Variants in PRKG1 observed in about 807,000 individuals in gnomAD.
PRKG1 encodes the protein cGMP-dependent protein kinase 1.
In PRKG1, 35 loss-of-function variants were observed where a neutral mutation model predicts 88.1. The observed-to-expected ratio is 0.40, with a 90% confidence interval of 0.30 to 0.53. The LOEUF is 0.53. Among genes scored for constraint, PRKG1 ranks in the 20% least tolerant of loss-of-function variants. The probability of loss-of-function intolerance (pLI) is 0.59; values close to 1 mark genes in which losing one functional copy is unlikely to be tolerated. For missense variants in PRKG1, 540 were observed against 839.8 expected, an observed-to-expected ratio of 0.64 and a Z score of 4.41; for synonymous variants, 303 against 292.5, an observed-to-expected ratio of 1.04 and a Z score of -0.37.
At position 51,869,271 on chromosome 10, in the gene PRKG1, A is replaced by C. The variant is rs146852913; in HGVS notation, c.699-38236A>C. 2.9e-3 allele frequency among the ~76,000 whole-genome samples: 445 copies of C among 152,252 alleles called. 1 individual carries two copies. The highest frequency in any genetic ancestry group is 0.01 in the African/African-American group (420 of 41,566). ...GTAATCCCATCATTGCCTTAAATGC[A>C]TTTACCCATGTGTTTGATGTGCTCC... On this transcript the variant is annotated intron_variant, in intron 4 of 17. Transcript: ENST00000373980.
intron 4 of PRKG1, among the ~76,000 whole-genome samples, chr10:51,822,188 A>T (rs1428135161): frequency 6.6e-6 from 1 of 151,954 alleles, no homozygotes; most frequent in African/African-American, 2.4e-5. Context: ...GTGTGTGTAT[A>T]TGGTGTGTGT....
intron 4 of PRKG1, among the ~76,000 whole-genome samples, chr10:51,820,500 A>G (rs1410004607): frequency 6.6e-6 from 1 of 152,198 alleles, no homozygotes; most frequent in East Asian, 1.9e-4. Context: ...TCCAACCTAC[A>G]GAAGCAGAGG....
rs1275994369 is a variant in PRKG1, at chr10:51,276,694, T to C, written c.478+123364T>C. On this transcript the variant is annotated intron_variant, in intron 2 of 17. Transcript: ENST00000373980. ...AGATGGTATCTCACTGTGGTTTTGA[T>C]TTGCATTTCTCTGATGACCAGTGAT... Among the ~76,000 whole-genome samples the C allele has an allele frequency of 5.3e-5, 8 of 152,348 alleles. No homozygotes were observed. The East Asian group carries it at 1.3e-3, about 26-fold the overall frequency.
At chr10:52,218,289 G>C (rs1840162819) in intron 9 of PRKG1, among the ~76,000 whole-genome samples, 2 of 150,708 alleles carry the variant, frequency 1.3e-5, no homozygotes, top group Non-Finnish European at 3.0e-5. Context: ...AATGAACTAA[G>C]GCGTCTTAAC....
chr10:52,241,800 T>A (rs1840869506), intron 9 of PRKG1, among the ~76,000 whole-genome samples: 1 of 152,208 alleles, frequency 6.6e-6, no homozygotes, highest in East Asian at 1.9e-4. Context: ...TTTCGACTGA[T>A]CCCTTTGATT....
At chr10:51,186,968 ATATATATATATATATG>A (rs1413876667) in intron 2 of PRKG1, among the ~76,000 whole-genome samples, 20 of 145,626 alleles carry the variant, frequency 1.4e-4, no homozygotes, top group Admixed American at 6.9e-5. Context: ...ATATATATAT[ATATATATATATATATG>A]TATATATATA....
In PRKG1 at chr10:52,148,873, G is replaced by T. The variant is rs189782047; in HGVS notation, c.1002-13016G>T. 7.7e-3 allele frequency among the ~76,000 whole-genome samples: 1,163 copies of T among 151,778 alleles called. 16 individuals are homozygous for T. The highest frequency in any genetic ancestry group is 0.027 in the African/African-American group (1,100 of 41,302). On this transcript the variant is annotated intron_variant, in intron 8 of 17. Transcript: ENST00000373980. ...GGAATAGAATTCCAGGCAGCAATAG[G>T]CTGAGAATTAATGAAAAATGAGGAT... is the stretch of plus-strand genomic sequence containing the variant.
At chr10:51,428,719 A>G (rs528360171) in intron 2 of PRKG1, among the ~76,000 whole-genome samples, 2 of 152,328 alleles carry the variant, frequency 1.3e-5, no homozygotes, top group Non-Finnish European at 2.9e-5. Flanking sequence ...CAGTTGCTAA[A>G]GAGGACTGGT....
intron 12 of PRKG1, among the ~76,000 whole-genome samples, chr10:52,275,417 A>C (rs569745019): frequency 6.6e-6 from 1 of 152,262 alleles, no homozygotes; most frequent in South Asian, 2.1e-4. Flanking sequence ...CAATTATTCC[A>C]GCAGCATTTG....
intron 1 of PRKG1, among the ~76,000 whole-genome samples, chr10:51,078,657 C>T (rs2131846398): frequency 6.6e-6 from 1 of 151,272 alleles, no homozygotes; most frequent in African/African-American, 2.4e-5. Flanking sequence ...CGCTCTATCG[C>T]CCAGGCTGGA....
chr10:52,247,049 G>A (rs1489476289), intron 9 of PRKG1, among the ~76,000 whole-genome samples: 1 of 151,968 alleles, frequency 6.6e-6, no homozygotes, highest in Admixed American at 6.6e-5. Flanking sequence ...TATTTGTATT[G>A]TGTGTTGTTA....
At chr10:51,679,593 GA>G (rs1264574818) in intron 3 of PRKG1, among the ~76,000 whole-genome samples, 1 of 151,932 alleles carries the variant, frequency 6.6e-6, no homozygotes, top group Non-Finnish European at 1.5e-5. Context: ...AGACACTGGG[GA>G]ACTAGGTCTT....
At chr10:51,523,646 T>G (rs1841795451) in intron 3 of PRKG1, among the ~76,000 whole-genome samples, 1 of 152,210 alleles carries the variant, frequency 6.6e-6, no homozygotes, top group African/African-American at 2.4e-5. Context: ...CCCTAGAGGC[T>G]CTGTCTCTCT....
chr10:51,150,097 A>T (rs1386763140), intron 1 of PRKG1, among the ~76,000 whole-genome samples: 1 of 152,164 alleles, frequency 6.6e-6, no homozygotes, highest in African/African-American at 2.4e-5. Context: ...AGATTAAAAA[A>T]AATCATGATC....
At chr10:51,596,787 A>G (rs1278599208) in intron 3 of PRKG1, among the ~76,000 whole-genome samples, 2 of 152,186 alleles carry the variant, frequency 1.3e-5, no homozygotes, top group Admixed American at 1.3e-4. Context: ...AGTAAACACT[A>G]CCAGTTATTT....
intron 9 of PRKG1, among the ~76,000 whole-genome samples, chr10:52,239,949 T>C (rs1840816226): frequency 6.6e-6 from 1 of 152,232 alleles, no homozygotes; most frequent in African/African-American, 2.4e-5. Flanking sequence ...CATCTCAATA[T>C]ACAAATCCTG....
At chr10:52,044,707 G>T (rs1410157364) in intron 5 of PRKG1, among the ~76,000 whole-genome samples, 1 of 152,058 alleles carries the variant, frequency 6.6e-6, no homozygotes, top group African/African-American at 2.4e-5. Flanking sequence ...GATGTTTTCT[G>T]TTCTATTCCA....
At chr10:51,688,064 G>A (rs1422542924) in intron 3 of PRKG1, among the ~76,000 whole-genome samples, 1 of 152,090 alleles carries the variant, frequency 6.6e-6, no homozygotes, top group African/African-American at 2.4e-5. Context: ...AAGCCATGTA[G>A]GTAAATTAAA....
At chr10:51,038,738 G>A (rs139596588) in intron 1 of PRKG1, among the ~76,000 whole-genome samples, 132 of 152,136 alleles carry the variant, frequency 8.7e-4, no homozygotes, top group African/African-American at 3.0e-3. Flanking sequence ...TCGTTTGATG[G>A]GCACTTAGGT....
Sources: gnomAD v4.1 joint callset for allele counts (sites outside exome capture counted in the v4.1 genomes callset) on GRCh38, gnomAD v4.1.1 for gene constraint, MANE v1.5 for transcripts, NCBI Gene and HGNC (gene_info 2026-07-23, HGNC 2026-07-21) for gene names.